ALPL: variants seen among roughly 807,000 people sequenced by gnomAD.
The protein encoded by ALPL is alkaline phosphatase, biomineralization associated.
A neutral mutation model predicts 51.3 loss-of-function variants in ALPL; 42 were observed. The observed-to-expected ratio is 0.82, with a 90% CI of 0.64 to 1.06. ALPL has a LOEUF of 1.06. Ranked by LOEUF, ALPL falls within the 50% of genes least tolerant of loss-of-function variation. The pLI, the probability that ALPL is intolerant of heterozygous loss-of-function variation, is 0.00. For missense variants in ALPL, 589 were observed against 709.4 expected, an observed-to-expected ratio of 0.83 and a Z score of 1.93; for synonymous variants, 279 against 296.4, an observed-to-expected ratio of 0.94 and a Z score of 0.60.
intron 1 of ALPL, among the ~76,000 whole-genome samples, chr1:21,525,266 T>C (rs1232325685): frequency 6.6e-6 from 1 of 152,194 alleles, no homozygotes; most frequent in African/African-American, 2.4e-5. Flanking sequence ...GGCCCCCAGT[T>C]GGGGCACTGA....
At chr1:21,530,492 G>C (rs1018977694) in intron 1 of ALPL, among the ~76,000 whole-genome samples, 3 of 152,132 alleles carry the variant, frequency 2.0e-5, no homozygotes, top group Non-Finnish European at 4.4e-5. Flanking sequence ...CCAAGGAGAC[G>C]ACATTGCCAG....
chr1:21,538,345 G>C (rs745588396), intron 1 of ALPL, among the ~76,000 whole-genome samples: 17 of 152,158 alleles, frequency 1.1e-4, no homozygotes, highest in Non-Finnish European at 2.4e-4. Flanking sequence ...GAGATCAAAC[G>C]CAAAAGCCAC....
At chr1:21,531,411 C>T (rs1291248390) in intron 1 of ALPL, among the ~76,000 whole-genome samples, 1 of 152,176 alleles carries the variant, frequency 6.6e-6, no homozygotes, top group Admixed American at 6.5e-5. Flanking sequence ...GACACTTGTG[C>T]CATCCTCCTG....
At chr1:21,559,990 C>T (rs926968503) in intron 2 of ALPL, among the ~76,000 whole-genome samples, 3 of 152,278 alleles carry the variant, frequency 2.0e-5, no homozygotes, top group Admixed American at 6.5e-5. Flanking sequence ...ATGGAGGGGG[C>T]GATGAGAGAT....
Position 21,564,260 on chromosome 1 carries a change from G to A in ALPL, c.648+44G>A, listed in dbSNP as rs1644532151. Reference sequence around the variant, plus strand: ...CCGGGCAGGGACGGGGTGAGGCGGGGCCTCTGGTGGGCAGGAGGCCTCAGG... The same window carrying A: ...CCGGGCAGGGACGGGGTGAGGCGGGACCTCTGGTGGGCAGGAGGCCTCAGG... On this transcript the variant is annotated intron_variant, in intron 6 of 11. Transcript: ENST00000374840. The surrounding 1 kb of genome is among the most constrained non-coding windows in gnomAD (Gnocchi z 5.8). The A allele has an allele frequency of 6.2e-7, 1 of 1,607,490 alleles. No individual in the cohort carries two copies. Among genetic ancestry groups the A allele is most frequent in the Non-Finnish European group, 8.5e-7 (1 of 1,177,878 alleles).
chr1:21,551,787 G>A (rs1417733073), intron 1 of ALPL, among the ~76,000 whole-genome samples: 28 of 142,866 alleles, frequency 2.0e-4, no homozygotes, highest in Admixed American at 1.6e-3. Flanking sequence ...GTGCAGTGGC[G>A]CGATCTCGGC....
At chr1:21,576,959 C>T (rs1417086267) in intron 11 of ALPL, among the ~76,000 whole-genome samples, 1 of 152,134 alleles carries the variant, frequency 6.6e-6, no homozygotes, top group Non-Finnish European at 1.5e-5. Context: ...GTGCCTGGCA[C>T]AAGTAGGTGC....
intron 1 of ALPL, among the ~76,000 whole-genome samples, chr1:21,513,736 T>A (rs1347781119): frequency 6.6e-6 from 1 of 152,232 alleles, no homozygotes; most frequent in Non-Finnish European, 1.5e-5. Context: ...ATTTAGTTGC[T>A]GGTGTTTTTA....
At chr1:21,556,379 G>A (rs928172652) in intron 2 of ALPL, among the ~76,000 whole-genome samples, 47 of 152,148 alleles carry the variant, frequency 3.1e-4, no homozygotes, top group African/African-American at 1.0e-3. Flanking sequence ...GGTGGCTCAC[G>A]CCTGTAATCC....
At chr1:21,570,248 C>G in intron 7 of ALPL, 57 bp from the exon 8 acceptor site, 1 of 1,538,796 alleles carries the variant, frequency 6.5e-7, no homozygotes, top group African/African-American at 1.4e-5. Flanking sequence ...CTGCTGGGGT[C>G]AGTCCTTCCG....
Position 21,568,227 on chromosome 1 carries a change from A to G in ALPL, c.772A>G (p.Ser258Gly). 2 of 1,614,032 alleles carry G rather than the reference A, an allele frequency of 1.2e-6. No homozygotes were observed. The highest frequency in any genetic ancestry group is 1.7e-6 in the Non-Finnish European group (2 of 1,179,992). Residue 258 changes from serine (S) to glycine (G), a missense_variant, in exon 7 of 12, where the codon AGC becomes GGC. Coordinates refer to ENST00000374840, the MANE Select transcript of ALPL (RefSeq NM_000478.6). ...CCTGGACCTCGTTGACACCTGGAAG[A>G]GCTTCAAACCGAGATACAAGGTAGC... ...DGLDLVDTWK[S>G]FKPRYKHSHF...
Position 21,572,405 on chromosome 1 carries a change from C to T in ALPL, c.863-1260C>T, listed in dbSNP as rs190705333. 2.9e-4 allele frequency among the ~76,000 whole-genome samples: 44 copies of T among 152,252 alleles called. No homozygotes were observed. In the East Asian group the frequency reaches 7.7e-3, roughly 27 times the overall value. On this transcript the variant is annotated intron_variant, in intron 8 of 11. Coordinates refer to ENST00000374840, the MANE Select transcript of ALPL (RefSeq NM_000478.6). ...CTTGAGTGTCCTCATTACATGGTGG[C>T]TGGCTTCCCACAGAGATCCAAGAGT...
rs1643643591 is a variant in ALPL, at chr1:21,509,710, C to G, written c.-105+193C>G. Among the ~76,000 whole-genome samples the G allele has an allele frequency of 6.6e-6, 1 of 152,158 alleles. No homozygotes were observed. Among genetic ancestry groups the G allele is most frequent in the Non-Finnish European group, 1.5e-5 (1 of 68,024 alleles). On this transcript the variant is annotated intron_variant, in intron 1 of 11. Transcript: ENST00000374840. The surrounding 1 kb of genome is among the most constrained non-coding windows in gnomAD (Gnocchi z 6.0). ...TCCTGCCCCTGTCCTCCCGCGCATC[C>G]CAAGCTCCCGGCGCGCGCTCTGGGC...
intron 2 of ALPL, among the ~76,000 whole-genome samples, chr1:21,555,727 T>A (rs1431323699): frequency 2.7e-5 from 4 of 150,744 alleles, no homozygotes; most frequent in Non-Finnish European, 4.4e-5. Context: ...CTTTTTCTTG[T>A]CATTTGTAGT....
chr1:21,544,226 A>G (rs576098615), intron 1 of ALPL, among the ~76,000 whole-genome samples: 1 of 152,366 alleles, frequency 6.6e-6, no homozygotes, highest in South Asian at 2.1e-4. Flanking sequence ...TAGACGCCAA[A>G]GGAAACAGTT....
chr1:21,568,581 G>A (rs1644602690), intron 7 of ALPL, among the ~76,000 whole-genome samples: 2 of 152,134 alleles, frequency 1.3e-5, no homozygotes, highest in African/African-American at 4.8e-5. Flanking sequence ...GATGGCCAAG[G>A]AAACATGGAA....
At chr1:21,557,153 C>G (rs1444469761) in intron 2 of ALPL, among the ~76,000 whole-genome samples, 1 of 152,142 alleles carries the variant, frequency 6.6e-6, no homozygotes, top group Non-Finnish European at 1.5e-5. Context: ...GAGAAGAGAG[C>G]CTTCCTCGGC....
chr1:21,556,388 C>A (rs1007169927), intron 2 of ALPL, among the ~76,000 whole-genome samples: 2 of 152,174 alleles, frequency 1.3e-5, no homozygotes, highest in African/African-American at 4.8e-5. Flanking sequence ...CGCCTGTAAT[C>A]CCAGTGCGTT....
At chr1:21,552,119 T>TCCCCTCCCCCCCCC (rs1217864179) in intron 1 of ALPL, among the ~76,000 whole-genome samples, 1 of 51,782 alleles carries the variant, frequency 1.9e-5, no homozygotes, top group Non-Finnish European at 3.7e-5. Context: ...TCCCCTTCCC[T>TCCCCTCCCCCCCCC]TTCCTCCCTC....
Sources: gnomAD v4.1 joint callset for allele counts (sites outside exome capture counted in the v4.1 genomes callset) on GRCh38, gnomAD v4.1.1 for gene constraint, Gnocchi (gnomAD v3.1) non-coding constraint, MANE v1.5 for transcripts, NCBI Gene and HGNC (gene_info 2026-07-23, HGNC 2026-07-21) for gene names.